CPA6: variants seen among roughly 807,000 people sequenced by gnomAD.
CPA6 encodes carboxypeptidase B.
A neutral mutation model predicts 63.3 loss-of-function variants in CPA6; 58 were observed. The observed-to-expected ratio is 0.92, with a 90% CI of 0.74 to 1.14. The LOEUF is 1.14. Among genes scored for constraint, CPA6 ranks in the 50% most tolerant of loss-of-function variants. The pLI, the probability that CPA6 is intolerant of heterozygous loss-of-function variation, is 0.00. For synonymous variants in CPA6, 185 were observed against 179.0 expected (o/e 1.03, Z -0.27); for missense variants, 565 against 526.6 (o/e 1.07, Z -0.71).
intron 4 of CPA6, 78 bp from the exon 5 acceptor site, chr8:67,509,696 G>A (rs1004078024): frequency 4.4e-6 from 3 of 683,968 alleles, no homozygotes; most frequent in Non-Finnish European, 7.5e-6. Flanking sequence ...GAAACAAAAA[G>A]ACAACAGTAG....
intron 1 of CPA6, among the ~76,000 whole-genome samples, chr8:67,653,478 C>T (rs975607674): frequency 6.6e-6 from 1 of 150,762 alleles, no homozygotes; most frequent in Non-Finnish European, 1.5e-5. Flanking sequence ...AGTTGGATTC[C>T]TAGGTATTTT....
chr8:67,538,294 C>G (rs952994132), intron 2 of CPA6, among the ~76,000 whole-genome samples: 3 of 152,160 alleles, frequency 2.0e-5, no homozygotes, highest in African/African-American at 7.2e-5. Context: ...GTGTTAAAGT[C>G]TCCCACTATT....
At chr8:67,618,281 C>T (rs949515717) in intron 2 of CPA6, among the ~76,000 whole-genome samples, 1 of 152,128 alleles carries the variant, frequency 6.6e-6, no homozygotes, top group African/African-American at 2.4e-5. Context: ...CACCCATTTC[C>T]TCCTCATAAG....
intron 1 of CPA6, among the ~76,000 whole-genome samples, chr8:67,723,511 A>C (rs61458193): frequency 0.049 from 7,386 of 152,210 alleles, 324 homozygotes; most frequent in African/African-American, 0.11. Context: ...CTTTCCGAAG[A>C]GGTTATAACA....
chr8:67,603,793 C>A (rs1002862282), intron 2 of CPA6, among the ~76,000 whole-genome samples: 2 of 152,196 alleles, frequency 1.3e-5, no homozygotes, highest in African/African-American at 2.4e-5. Flanking sequence ...TCTTTGCTAA[C>A]CCCAGATCAA....
At chr8:67,510,320 G>A (rs1042460356) in intron 4 of CPA6, among the ~76,000 whole-genome samples, 1 of 152,128 alleles carries the variant, frequency 6.6e-6, no homozygotes, top group African/African-American at 2.4e-5. Flanking sequence ...AAAAGGATCA[G>A]TGCTGAAAAA....
At chr8:67,576,135 G>A (rs1813619393) in intron 2 of CPA6, among the ~76,000 whole-genome samples, 1 of 152,124 alleles carries the variant, frequency 6.6e-6, no homozygotes, top group Non-Finnish European at 1.5e-5. Flanking sequence ...AATACAGCTA[G>A]TAATTGAGTA....
At chr8:67,443,560 AG>A (rs1309385298) in intron 8 of CPA6, among the ~76,000 whole-genome samples, 1 of 152,144 alleles carries the variant, frequency 6.6e-6, no homozygotes, top group Non-Finnish European at 1.5e-5. Flanking sequence ...AGTAGTTTTT[AG>A]TATATTTATC....
chr8:67,527,695 G>A (rs1812393745), intron 2 of CPA6, among the ~76,000 whole-genome samples: 1 of 152,096 alleles, frequency 6.6e-6, no homozygotes, highest in Non-Finnish European at 1.5e-5. Flanking sequence ...CAATAATATA[G>A]CCCAAGTATC....
At chr8:67,473,928 A>G (rs1811118775) in intron 8 of CPA6, among the ~76,000 whole-genome samples, 1 of 152,126 alleles carries the variant, frequency 6.6e-6, no homozygotes, top group Non-Finnish European at 1.5e-5. Flanking sequence ...TAAAAAAAAA[A>G]AGTATAAAAC....
chr8:67,676,156 T>C (rs1816467507), intron 1 of CPA6, among the ~76,000 whole-genome samples: 1 of 152,252 alleles, frequency 6.6e-6, no homozygotes, highest in Non-Finnish European at 1.5e-5. Context: ...TTTTGCTTTT[T>C]AGCGGGGTTA....
chr8:67,569,256 T>A (rs1487080257), intron 2 of CPA6, among the ~76,000 whole-genome samples: 1 of 152,036 alleles, frequency 6.6e-6, no homozygotes, highest in African/African-American at 2.4e-5. Context: ...TACAATGAAG[T>A]CTTAATATGA....
intron 1 of CPA6, among the ~76,000 whole-genome samples, chr8:67,706,702 C>A (rs1200422966): frequency 6.6e-6 from 1 of 151,952 alleles, no homozygotes; most frequent in Non-Finnish European, 1.5e-5. Context: ...GGAATAGAAG[C>A]ACAACATAGT....
At chr8:67,612,285 C>T (rs1385243961) in intron 2 of CPA6, among the ~76,000 whole-genome samples, 13 of 152,182 alleles carry the variant, frequency 8.5e-5, no homozygotes, top group Non-Finnish European at 1.9e-4. Context: ...GTTGCTTCTT[C>T]CATATATTCT....
At chr8:67,633,680 C>CAAAA (rs35134242) in intron 1 of CPA6, among the ~76,000 whole-genome samples, 8 of 112,078 alleles carry the variant, frequency 7.1e-5, no homozygotes, top group African/African-American at 2.0e-4. Context: ...GACTCCGTCT[C>CAAAA]AAAAAAAAAA....
At chr8:67,702,184 AACACT>A (rs1817039851) in intron 1 of CPA6, among the ~76,000 whole-genome samples, 2 of 152,030 alleles carry the variant, frequency 1.3e-5, no homozygotes, top group African/African-American at 4.8e-5. Flanking sequence ...TGACATAGAA[AACACT>A]GCATGCATGT....
rs1811181332 is a variant in CPA6, at chr8:67,475,818, CTTTCTTTTCTTTCTTTCTTTCT to C, written c.838+7928_838+7949del. 7.3e-5 allele frequency among the ~76,000 whole-genome samples: 2 copies of C among 27,394 alleles called. 1 individual carries two copies. Among genetic ancestry groups the C allele is most frequent in the Non-Finnish European group, 1.4e-4 (2 of 13,964 alleles). The allele number at this position is 27,394 out of a possible 152,430, so 18.0% of individuals were successfully genotyped here. A position where few individuals can be genotyped will look rare whatever the true frequency, so the allele number is the denominator to read the frequency against. On this transcript the variant is annotated intron_variant, in intron 8 of 10. Transcript: ENST00000297770. ...CTTTCTTTCTTTCTTTCTTTCTTTC[CTTTCTTTTCTTTCTTTCTTTCT>C]TTCTTTCTTTCTTTCTTTCTTTCTT...
intron 1 of CPA6, among the ~76,000 whole-genome samples, chr8:67,660,256 G>T (rs181129864): frequency 7.2e-4 from 109 of 151,096 alleles, no homozygotes; most frequent in African/African-American, 2.6e-3. Context: ...TAGTAGGGTG[G>T]TGAGAATTAA....
At chr8:67,636,067 C>T (rs1176589087) in intron 1 of CPA6, among the ~76,000 whole-genome samples, 6 of 151,626 alleles carry the variant, frequency 4.0e-5, no homozygotes, top group African/African-American at 1.5e-4. Flanking sequence ...TTGGATATCC[C>T]TTAGCAACTT....
Sources: gnomAD v4.1 joint callset for allele counts (sites outside exome capture counted in the v4.1 genomes callset) on GRCh38, gnomAD v4.1.1 for gene constraint, MANE v1.5 for transcripts, NCBI Gene and HGNC (gene_info 2026-07-23, HGNC 2026-07-21) for gene names.